TOPORS: variants seen among roughly 807,000 people sequenced by gnomAD.
TOPORS encodes E3 ubiquitin-protein ligase Topors.
Under a neutral mutation model 81.4 loss-of-function variants are expected in TOPORS, and 25 were observed. The ratio of observed to expected loss-of-function variants is 0.31; its 90% CI spans 0.22 to 0.43. The LOEUF (loss-of-function observed/expected upper bound fraction) is 0.43, where lower values mean the gene tolerates loss of function less well. Among genes scored for constraint, TOPORS ranks in the 20% least tolerant of loss-of-function variants. The pLI is 1.00. For missense variants in TOPORS, 1,101 were observed against 1,267.0 expected (o/e 0.87, Z 1.99); for synonymous variants, 473 against 456.6 (o/e 1.04, Z -0.46).
intron 2 of TOPORS, among the ~76,000 whole-genome samples, chr9:32,547,999 A>ATTTTTTTTTTT (rs747727912): frequency 0.01 from 858 of 83,768 alleles, no homozygotes; most frequent in African/African-American, 0.015. Flanking sequence ...CACGCTCGGC[A>ATTTTTTTTTTT]TTTTTTTTTT....
At chr9:32,544,487 A>C (rs1239757088) in intron 2 of TOPORS, among the ~76,000 whole-genome samples, 161 bp from the exon 3 acceptor site, 2 of 152,230 alleles carry the variant, frequency 1.3e-5, no homozygotes, top group African/African-American at 4.8e-5. Flanking sequence ...GTAGCATAGT[A>C]ATATAGTGCT....
At chr9:32,548,127 G>T (rs1821166246) in intron 2 of TOPORS, among the ~76,000 whole-genome samples, 1 of 150,286 alleles carries the variant, frequency 6.7e-6, no homozygotes, top group South Asian at 2.1e-4. Context: ...TGGGATTACA[G>T]GCGTAAGCCA....
intron 1 of TOPORS, among the ~76,000 whole-genome samples, chr9:32,551,967 G>A (rs940082163): frequency 5.3e-5 from 8 of 151,880 alleles, no homozygotes; most frequent in Non-Finnish European, 4.4e-5. Context: ...CATCTAAATC[G>A]TGTGGTATCA....
At chr9:32,550,060 C>G (rs1821205568) in intron 2 of TOPORS, among the ~76,000 whole-genome samples, 1 of 152,188 alleles carries the variant, frequency 6.6e-6, no homozygotes, top group African/African-American at 2.4e-5. Context: ...CCAGAAAGCT[C>G]TCACCACTAT....
At position 32,552,484 on chromosome 9, in the gene TOPORS, G is replaced by A; in HGVS notation, c.-48C>T. 1 of 1,592,222 alleles carries A rather than the reference G, an allele frequency of 6.3e-7. No homozygotes were observed. Among genetic ancestry groups the A allele is most frequent in the Non-Finnish European group, 8.5e-7 (1 of 1,169,822 alleles). ...CTGGACTGGATTTATTCAGTGGTAA[G>A]TCCCGGGGATCGCGGGCCCCCACCG... On this transcript the variant is annotated 5_prime_UTR_variant, in exon 1 of 3. Transcript: ENST00000360538.
chr9:32,542,650 T>C lies in TOPORS; in HGVS notation c.1875A>G (p.Lys625=). 6.2e-7 allele frequency: 1 copy of C among 1,614,060 alleles called. No homozygotes were observed. Among genetic ancestry groups the C allele is most frequent in the Non-Finnish European group, 8.5e-7 (1 of 1,180,002 alleles). ...TTTCCCTGCTTCTGGATCGTTTACT[T>C]TTCATTCTTTTCTTCCCATGATGCT... ...HRKHHGKKRM[K]SKRSRSRESS... The change falls in exon 3 of 3, where the codon AAA becomes AAG. Residue 625 remains lysine (K), a synonymous_variant. Transcript: ENST00000360538.
At position 32,541,635 on chromosome 9, in the gene TOPORS, T is replaced by C. The variant is rs1292633801; in HGVS notation, c.2890A>G (p.Lys964Glu). ...TIEAEFGVLD[K>E]ECDIATLSNN... ...CTAAGTGTGGCAATATCACATTCCTTGTCCAGCACACCAAATTCAGCTTCT... is the reference window on the plus strand; with the variant it reads ...CTAAGTGTGGCAATATCACATTCCTCGTCCAGCACACCAAATTCAGCTTCT... Residue 964 changes from lysine to glutamate, a missense_variant, in exon 3 of 3, where the codon AAG (lysine) becomes GAG (glutamate). By Grantham distance (56) the Lys-to-Glu change is moderately conservative. This residue lies in a region of TOPORS where 605 missense variants were observed against 636.1 expected (regional missense o/e 0.95). Coordinates refer to ENST00000360538, the MANE Select transcript of TOPORS (RefSeq NM_005802.5). 2 of 1,614,112 alleles carry C rather than the reference T, an allele frequency of 1.2e-6. No individual in the cohort carries two copies. The highest frequency in any genetic ancestry group is 2.7e-5 in the African/African-American group (2 of 74,948).
intron 1 of TOPORS, 82 bp downstream of exon 1, chr9:32,552,352 G>GCGCCTGGCAGCCAC (rs760399583): frequency 6.4e-7 from 1 of 1,565,144 alleles, no homozygotes; most frequent in Non-Finnish European, 8.7e-7. Flanking sequence ...ATGGCTGCTG[G>GCGCCTGGCAGCCAC]CGCCTGGCAG....
intron 1 of TOPORS, chr9:32,551,622 A>C (rs1280122226): frequency 3.7e-6 from 1 of 268,338 alleles, no homozygotes; most frequent in African/African-American, 2.2e-5. Context: ...CTAGAGCCTA[A>C]GCGGCCCGTT....
At position 32,544,321 on chromosome 9, in the gene TOPORS, C is replaced by T. The variant is rs1190939628; in HGVS notation, c.204G>A (p.Met68Ile). The change falls in exon 3 of 3, where the codon ATG becomes ATA. Residue 68 changes from methionine to isoleucine, a missense_variant. Transcript: ENST00000360538. ...TTTTAAATTCCTTAGCAGCTGATGC[C>T]ATTATCTGTAAAAGGGAAAGAAATA... ...ARPAPASSEI[M>I]ASAAKEFKMD... 6.2e-7 allele frequency: 1 copy of T among 1,600,160 alleles called. No homozygotes were observed. Among genetic ancestry groups the T allele is most frequent in the Non-Finnish European group, 8.5e-7 (1 of 1,179,916 alleles).
At chr9:32,547,785 T>C (rs557566610) in intron 2 of TOPORS, among the ~76,000 whole-genome samples, 2 of 152,270 alleles carry the variant, frequency 1.3e-5, no homozygotes, top group African/African-American at 2.4e-5. Flanking sequence ...TAAAAAATCA[T>C]TGACCTACAA....
intron 2 of TOPORS, among the ~76,000 whole-genome samples, chr9:32,549,350 C>G (rs2118977359): frequency 6.6e-6 from 1 of 152,278 alleles, no homozygotes; most frequent in African/African-American, 2.4e-5. Context: ...CTATGGCATA[C>G]ACTGTATATA....
At chr9:32,550,243 T>C (rs1563986660) in intron 2 of TOPORS, among the ~76,000 whole-genome samples, 1 of 152,140 alleles carries the variant, frequency 6.6e-6, no homozygotes, top group Non-Finnish European at 1.5e-5. Context: ...AATGGATGGA[T>C]GAACAAGTCA....
chr9:32,551,152 TC>T, intron 1 of TOPORS, 184 bp from the exon 2 acceptor site: 1 of 720,888 alleles, frequency 1.4e-6, no homozygotes, highest in Non-Finnish European at 2.4e-6. Flanking sequence ...CCCCCGCCGC[TC>T]CAGACCCCGG....
chr9:32,543,679 T>G lies in TOPORS; in HGVS notation c.846A>C (p.Ser282=). Residue 282 remains serine (S), a synonymous_variant, in exon 3 of 3, where the codon TCA becomes TCC. Transcript: ENST00000360538. This position sits in a 1 kb window ranked among gnomAD's most constrained non-coding sequence, Gnocchi z 5.6. The stretch of plus-strand genomic sequence containing the variant: ...CTGGATTTCTACGGAAAAATTCAGC[T>G]GAAATATCCCTGTAGCGGCCACCAT... The part of the protein sequence containing the change: ...IEDGGRYRDI[S]AEFFRRNPAC... 1 of 1,613,102 alleles carries G rather than the reference T, an allele frequency of 6.2e-7. No individual in the cohort carries two copies. Among genetic ancestry groups the G allele is most frequent in the Non-Finnish European group, 8.5e-7 (1 of 1,179,766 alleles).
chr9:32,549,547 A>C (rs373295434), intron 2 of TOPORS, among the ~76,000 whole-genome samples: 137 of 152,112 alleles, frequency 9.0e-4, no homozygotes, highest in African/African-American at 3.3e-3. Flanking sequence ...TTTCATAAAA[A>C]CCCTTAGCAC....
Position 32,550,954 on chromosome 9 carries a change from C to A in TOPORS, c.18G>T (p.Pro6=), listed in dbSNP as rs1350083887. 1.2e-6 allele frequency: 2 copies of A among 1,611,052 alleles called. No homozygotes were observed. The highest frequency in any genetic ancestry group is 1.7e-6 in the Non-Finnish European group (2 of 1,179,774). The change falls in exon 2 of 3, where the codon CCG becomes CCT. Residue 6 remains proline, a synonymous_variant. Transcript: ENST00000360538. MGSQP[P]LGSPLSREEG... Reference sequence around the variant, plus strand: ...CCTCGCGAGACAGCGGAGACCCCAGCGGCGGCTGCGACCCCTGTGACGCAA... The same window carrying A: ...CCTCGCGAGACAGCGGAGACCCCAGAGGCGGCTGCGACCCCTGTGACGCAA...
At chr9:32,551,119 G>A in intron 1 of TOPORS, 151 bp from the exon 2 acceptor site, 1 of 983,550 alleles carries the variant, frequency 1.0e-6, no homozygotes. Flanking sequence ...GGGGCTCAGC[G>A]CACCGGCCCA....
At position 32,541,969 on chromosome 9, in the gene TOPORS, CTCTCTG is replaced by C; in HGVS notation, c.2550_2555del (p.Asp850_Arg851del). 1 of 1,613,468 alleles carries C rather than the reference CTCTCTG, an allele frequency of 6.2e-7. No homozygotes were observed. The highest frequency in any genetic ancestry group is 8.5e-7 in the Non-Finnish European group (1 of 1,179,894). On this transcript the variant is annotated inframe_deletion, in exon 3 of 3. Coordinates refer to ENST00000360538, the MANE Select transcript of TOPORS (RefSeq NM_005802.5). ...TCCTTTTTCTCCTTTTGTGTTTTGTCTCTCTGTCTGATGATCGGCTGTCTGAAAAGG... is the reference window on the plus strand; with the variant it reads ...TCCTTTTTCTCCTTTTGTGTTTTGTCTCTGATGATCGGCTGTCTGAAAAGG...
Sources: allele counts gnomAD v4.1 joint callset (sites outside exome capture counted in the v4.1 genomes callset), GRCh38; gene constraint gnomAD v4.1.1; regional missense constraint gnomAD v4.1.1; non-coding constraint Gnocchi (gnomAD v3.1); transcripts MANE v1.5; gene names NCBI Gene and HGNC (gene_info 2026-07-23, HGNC 2026-07-21).